GRM7: variants seen among roughly 807,000 people sequenced by gnomAD.
GRM7 encodes the protein metabotropic glutamate receptor 7.
In GRM7, 35 loss-of-function variants were observed where a neutral mutation model predicts 84.5. The ratio of observed to expected loss-of-function variants is 0.41; its 90% CI spans 0.32 to 0.55. The LOEUF is 0.55. GRM7 is among the 20% of genes least tolerant of loss of function. GRM7 has a pLI of 0.19. For synonymous variants in GRM7, 487 were observed against 455.1 expected, an observed-to-expected ratio of 1.07 and a Z score of -0.89; for missense variants, 1,003 against 1,194.6, an observed-to-expected ratio of 0.84 and a Z score of 2.36.
At chr3:7,550,738 C>A (rs1193901867) in intron 7 of GRM7, among the ~76,000 whole-genome samples, 2 of 151,884 alleles carry the variant, frequency 1.3e-5, no homozygotes, top group South Asian at 2.1e-4. Flanking sequence ...GATCACCCAG[C>A]AAACTCAGGT....
In GRM7 at chr3:7,187,567, C is replaced by T. The variant is rs1023644797; in HGVS notation, c.736+40899C>T. Among the ~76,000 whole-genome samples, 5 of 152,196 alleles carry T rather than the reference C, an allele frequency of 3.3e-5. No homozygotes were observed. The East Asian group carries it at 5.8e-4, about 18-fold the overall frequency. On this transcript the variant is annotated intron_variant, in intron 2 of 9. Coordinates refer to ENST00000357716, the MANE Select transcript of GRM7 (RefSeq NM_000844.4). ...TTATTGAAGCAACAGTGTTACAGGT[C>T]TGATGGCGTTGCAGCTCCGTGATTG...
At position 7,221,804 on chromosome 3, in the gene GRM7, ATTTT is replaced by A. The variant is rs540956206; in HGVS notation, c.736+75153_736+75156del. Among the ~76,000 whole-genome samples the A allele has an allele frequency of 2.6e-4, 25 of 97,358 alleles. 1 individual carries two copies. Among genetic ancestry groups the A allele is most frequent in the South Asian group, 2.5e-3 (7 of 2,856 alleles). 63.9% of individuals were successfully genotyped at this position (97,358 alleles called of 152,430 possible). On this transcript the variant is annotated intron_variant, in intron 2 of 9. Transcript: ENST00000357716. ...CACATTGTATTTTTTAATTTCTTGT[ATTTT>A]TTTTTTTTTTTTTTTTGTGATGGAG...
intron 9 of GRM7, among the ~76,000 whole-genome samples, chr3:7,692,990 T>C (rs2125152369): frequency 6.6e-6 from 1 of 151,990 alleles, no homozygotes; most frequent in East Asian, 1.9e-4. Flanking sequence ...TTTTTTTTTT[T>C]CTTTTCGATA....
chr3:7,089,928 T>C (rs1698603179), intron 1 of GRM7, among the ~76,000 whole-genome samples: 1 of 152,068 alleles, frequency 6.6e-6, no homozygotes, highest in South Asian at 2.1e-4. Flanking sequence ...CTGCAACCTC[T>C]ACTCCCCGGG....
At chr3:7,039,438 G>T (rs17046677) in intron 1 of GRM7, among the ~76,000 whole-genome samples, 1 of 152,064 alleles carries the variant, frequency 6.6e-6, no homozygotes, top group Non-Finnish European at 1.5e-5. Context: ...AGTGCACAGA[G>T]GTAAAAAGTA....
At chr3:7,232,426 C>G (rs762954812) in intron 2 of GRM7, among the ~76,000 whole-genome samples, 3 of 152,104 alleles carry the variant, frequency 2.0e-5, no homozygotes, top group Non-Finnish European at 4.4e-5. Flanking sequence ...TTTTGCCCAT[C>G]AAAGGCTCCC....
intron 4 of GRM7, among the ~76,000 whole-genome samples, chr3:7,414,815 C>G (rs1355739875): frequency 1.3e-5 from 2 of 151,878 alleles, no homozygotes; most frequent in African/African-American, 4.8e-5. Flanking sequence ...TAGTAACTAC[C>G]TACCTGTCAG....
intron 7 of GRM7, among the ~76,000 whole-genome samples, chr3:7,478,707 T>A (rs1021168735): frequency 3.4e-5 from 5 of 147,618 alleles, no homozygotes; most frequent in African/African-American, 1.3e-4. Flanking sequence ...TAGGGAACAC[T>A]GGAGAGGGAT....
At chr3:7,029,017 A>G (rs1423491879) in intron 1 of GRM7, among the ~76,000 whole-genome samples, 1 of 152,178 alleles carries the variant, frequency 6.6e-6, no homozygotes, top group African/African-American at 2.4e-5. Flanking sequence ...TTACCACATG[A>G]TTAGGGTTGG....
At chr3:6,974,549 G>A (rs536543412) in intron 1 of GRM7, among the ~76,000 whole-genome samples, 1 of 152,172 alleles carries the variant, frequency 6.6e-6, no homozygotes, top group Non-Finnish European at 1.5e-5. Flanking sequence ...TATCAGGGAA[G>A]GCTGCTGAAG....
chr3:7,199,768 T>C (rs1003191833), intron 2 of GRM7, among the ~76,000 whole-genome samples: 1 of 152,194 alleles, frequency 6.6e-6, no homozygotes, highest in African/African-American at 2.4e-5. Flanking sequence ...GATTTATAAC[T>C]TAGGTGGTAC....
At chr3:6,924,439 G>T (rs754088281) in intron 1 of GRM7, among the ~76,000 whole-genome samples, 52 of 151,870 alleles carry the variant, frequency 3.4e-4, no homozygotes, top group Non-Finnish European at 6.6e-4. Context: ...AAATCTTAAA[G>T]CCCAGACAGT....
At chr3:7,500,215 T>A (rs1436564347) in intron 7 of GRM7, among the ~76,000 whole-genome samples, 1 of 152,250 alleles carries the variant, frequency 6.6e-6, no homozygotes. Flanking sequence ...GTCTCTTTGG[T>A]TTTTAGCTTC....
intron 1 of GRM7, among the ~76,000 whole-genome samples, chr3:6,950,129 C>G (rs1692676884): frequency 6.6e-6 from 1 of 152,190 alleles, no homozygotes; most frequent in Non-Finnish European, 1.5e-5. Context: ...AGGAGAGGCA[C>G]TCTGATTTTT....
intron 2 of GRM7, among the ~76,000 whole-genome samples, chr3:7,297,526 G>T (rs746934204): frequency 3.9e-5 from 6 of 152,274 alleles, no homozygotes; most frequent in South Asian, 2.1e-4. Flanking sequence ...TTTAAAGAAG[G>T]ACCACAGGTG....
At chr3:7,412,069 T>C (rs544065532) in intron 4 of GRM7, among the ~76,000 whole-genome samples, 13 of 152,014 alleles carry the variant, frequency 8.6e-5, no homozygotes, top group Admixed American at 2.0e-4. Flanking sequence ...TCTTGTCATT[T>C]CCTTTTGTTC....
intron 1 of GRM7, among the ~76,000 whole-genome samples, chr3:6,963,318 T>C (rs1016638047): frequency 6.6e-6 from 1 of 152,202 alleles, no homozygotes; most frequent in African/African-American, 2.4e-5. Flanking sequence ...ACCCCAAATA[T>C]CTACTATATA....
chr3:6,930,570 T>C (rs1357992572), intron 1 of GRM7, among the ~76,000 whole-genome samples: 1 of 152,186 alleles, frequency 6.6e-6, no homozygotes, highest in Admixed American at 6.5e-5. Flanking sequence ...AGTTTAGCTC[T>C]TACTAAATTA....
At chr3:7,318,066 A>G (rs1331298215) in intron 4 of GRM7, among the ~76,000 whole-genome samples, 1 of 152,114 alleles carries the variant, frequency 6.6e-6, no homozygotes, top group African/African-American at 2.4e-5. Flanking sequence ...GAGTAAGAAA[A>G]AGGAGAAAAA....
Sources: gnomAD v4.1 joint callset for allele counts (sites outside exome capture counted in the v4.1 genomes callset) on GRCh38, gnomAD v4.1.1 for gene constraint, MANE v1.5 for transcripts, NCBI Gene and HGNC (gene_info 2026-07-23, HGNC 2026-07-21) for gene names.